Variants in C5orf24 observed in about 807,000 individuals in gnomAD.
C5orf24 encodes the protein UPF0461 protein C5orf24.
In C5orf24, 4 loss-of-function variants were observed where a neutral mutation model predicts 9.8. The observed-to-expected ratio is 0.41, with a 90% confidence interval of 0.20 to 0.93. The LOEUF (loss-of-function observed/expected upper bound fraction) is 0.93. C5orf24 is among the 40% of genes least tolerant of loss of function. The probability of loss-of-function intolerance (pLI) is 0.33; values close to 1 mark genes in which losing one functional copy is unlikely to be tolerated. For missense variants in C5orf24, 170 were observed against 236.9 expected, an observed-to-expected ratio of 0.72 and a Z score of 1.85; for synonymous variants, 73 against 81.3, an observed-to-expected ratio of 0.90 and a Z score of 0.55.
rs1046834798 is a variant in C5orf24 at position 134,855,227 on chromosome 5, C to A, written c.327C>A (p.Pro109=). The A allele has an allele frequency of 6.2e-7, 1 of 1,614,106 alleles. No individual in the cohort carries two copies. Among genetic ancestry groups the A allele is most frequent in the South Asian group, 1.1e-5 (1 of 91,074 alleles). ...SAGYRTSTGR[P]LGTTKAAGFK... Reference sequence around the variant, plus strand: ...GATACCGGACCAGCACAGGCAGACCCCTGGGAACCACCAAAGCAGCTGGAT... The same window carrying A: ...GATACCGGACCAGCACAGGCAGACCACTGGGAACCACCAAAGCAGCTGGAT... The change falls in exon 2 of 2, where the codon CCC becomes CCA. Residue 109 remains proline, a synonymous_variant. Transcript: ENST00000394976.
chr5:134,856,642 A>G lies in C5orf24; in HGVS notation c.*1175A>G. The G allele has an allele frequency of 1.0e-5, 3 of 299,886 alleles. No homozygotes were observed. The highest frequency in any genetic ancestry group is 8.5e-6 in the Non-Finnish European group (2 of 234,552). The allele number at this position is 299,886 out of a possible 1,614,324, so 18.6% of individuals were successfully genotyped here. A position where few individuals can be genotyped will look rare whatever the true frequency, so the allele number is the denominator to read the frequency against. ...GGTGACAGAGTAAGACTCCGTCTCA[A>G]ATAAATAAATAAATAAATAAATAAA... On this transcript the variant is annotated 3_prime_UTR_variant, in exon 2 of 2. Coordinates refer to ENST00000394976, the MANE Select transcript of C5orf24 (RefSeq NM_001135586.1).
chr5:134,840,595 G>T, the C5orf24 span, among the ~76,000 whole-genome samples: 4 of 152,024 alleles, frequency 2.6e-5, no homozygotes, highest in African/African-American at 4.8e-5. Flanking sequence ...GTACAGTCAC[G>T]TGATTACAGC....
At chr5:134,848,532 G>A (rs936048845) in intron 1 of C5orf24, among the ~76,000 whole-genome samples, 1 of 150,510 alleles carries the variant, frequency 6.6e-6, no homozygotes, top group Non-Finnish European at 1.5e-5. Context: ...CCTAGCATAC[G>A]TGCCTGTAAT....
In C5orf24 at chr5:134,855,895, G is replaced by T; in HGVS notation, c.*428G>T. 9.9e-7 allele frequency: 1 copy of T among 1,013,664 alleles called. No homozygotes were observed. The highest frequency in any genetic ancestry group is 1.2e-6 in the Non-Finnish European group (1 of 839,680). 62.8% of individuals were successfully genotyped at this position (1,013,664 alleles called of 1,614,324 possible). On this transcript the variant is annotated 3_prime_UTR_variant, in exon 2 of 2. Coordinates refer to ENST00000394976, the MANE Select transcript of C5orf24 (RefSeq NM_001135586.1). ...GCAAAAAAGCAAACTAATGAATCAG[G>T]ATTACTTGAGGTAATGGCTGTGTGA...
In C5orf24 at chr5:134,846,098, C is replaced by T. The variant is rs1247535655; in HGVS notation, c.-118C>T. 6.6e-6 allele frequency: 1 copy of T among 152,366 alleles called. No individual in the cohort carries two copies. Among genetic ancestry groups the T allele is most frequent in the Non-Finnish European group, 1.5e-5 (1 of 68,162 alleles). 9.4% of individuals were successfully genotyped at this position (152,366 alleles called of 1,614,324 possible). ...CGCTGCCTGCCACTCCGTCTTGGCC[C>T]GTTCTCCGCACCGTGCAGAGGCGGC... On this transcript the variant is annotated 5_prime_UTR_variant, in exon 1 of 2. Transcript: ENST00000394976.
the C5orf24 span, among the ~76,000 whole-genome samples, chr5:134,834,399 C>T: frequency 1.3e-5 from 2 of 152,080 alleles, no homozygotes; most frequent in African/African-American, 4.8e-5. Context: ...ACCTTGAAGG[C>T]AACATCTTTT....
chr5:134,838,086 A>AAAAAC, the C5orf24 span, among the ~76,000 whole-genome samples: 1 of 152,146 alleles, frequency 6.6e-6, no homozygotes. Flanking sequence ...GTCTGTATTT[A>AAAAAC]AAAACAAAAC....
chr5:134,857,368 C>T lies in C5orf24; in HGVS notation c.*1901C>T. On this transcript the variant is annotated 3_prime_UTR_variant, in exon 2 of 2. Coordinates refer to ENST00000394976, the MANE Select transcript of C5orf24 (RefSeq NM_001135586.1). ...ACCTTTTTTATCAGGAAAAAAGCAG[C>T]AAGCCTTCAGGTGTTCCAGTGATGC... The T allele has an allele frequency of 6.5e-7, 1 of 1,547,702 alleles. No homozygotes were observed. Among genetic ancestry groups the T allele is most frequent in the South Asian group, 1.2e-5 (1 of 83,734 alleles).
chr5:134,858,189 A>T lies in C5orf24; in HGVS notation c.*2722A>T, dbSNP rs1193625103. On this transcript the variant is annotated 3_prime_UTR_variant, in exon 2 of 2. Coordinates refer to ENST00000394976, the MANE Select transcript of C5orf24 (RefSeq NM_001135586.1). ...TAACATCATTTAGAAAGCCGAATTT[A>T]CTGTTCATCTGAGCGGTTACCTGGA... The T allele has an allele frequency of 6.0e-6, 1 of 167,056 alleles. No homozygotes were observed. The highest frequency in any genetic ancestry group is 2.4e-5 in the African/African-American group (1 of 41,448). The allele number at this position is 167,056 out of a possible 1,614,324, so 10.3% of individuals were successfully genotyped here. A position where few individuals can be genotyped will look rare whatever the true frequency, so the allele number is the denominator to read the frequency against.
upstream of C5orf24, among the ~76,000 whole-genome samples, chr5:134,842,675 G>A (rs914536031): frequency 5.3e-5 from 8 of 152,078 alleles, no homozygotes; most frequent in Non-Finnish European, 7.4e-5. Context: ...TCATCTTGGT[G>A]GCTAGATCTC....
chr5:134,849,361 A>G (rs995836199), intron 1 of C5orf24, among the ~76,000 whole-genome samples: 8 of 152,338 alleles, frequency 5.3e-5, no homozygotes, highest in Middle Eastern at 3.4e-3. Flanking sequence ...TTATATAAAC[A>G]TAAATATGCT....
At chr5:134,836,168 CTTTTTTTTTTTTTT>C in the C5orf24 span, among the ~76,000 whole-genome samples, 1 of 86,434 alleles carries the variant, frequency 1.2e-5, no homozygotes, top group Admixed American at 1.4e-4. Context: ...CATTGAGAAG[CTTTTTTTTTTTTTT>C]TTTTTTTTTG....
At chr5:134,837,595 A>G in the C5orf24 span, among the ~76,000 whole-genome samples, 1 of 151,464 alleles carries the variant, frequency 6.6e-6, no homozygotes, top group African/African-American at 2.4e-5. Flanking sequence ...CATGAGGGCT[A>G]GTGGGATCAG....
At chr5:134,838,951 G>A in the C5orf24 span, among the ~76,000 whole-genome samples, 1 of 151,950 alleles carries the variant, frequency 6.6e-6, no homozygotes, top group South Asian at 2.1e-4. Context: ...GCTCAAACCT[G>A]TAATCCCAGC....
At chr5:134,835,238 A>G in the C5orf24 span, among the ~76,000 whole-genome samples, 4 of 152,090 alleles carry the variant, frequency 2.6e-5, no homozygotes, top group African/African-American at 7.2e-5. Context: ...TAATCATTCT[A>G]TGATACACAT....
the C5orf24 span, among the ~76,000 whole-genome samples, chr5:134,834,515 G>A: frequency 6.6e-6 from 1 of 152,210 alleles, no homozygotes; most frequent in African/African-American, 2.4e-5. Flanking sequence ...CCCTCAGCCT[G>A]TGTCTGTGGC....
chr5:134,833,924 G>T, the C5orf24 span, among the ~76,000 whole-genome samples: 1 of 151,868 alleles, frequency 6.6e-6, no homozygotes, highest in African/African-American at 2.4e-5. Flanking sequence ...AGGAGTTCAT[G>T]ATTTTTTTCA....
rs913098855 is a variant in C5orf24, at chr5:134,859,287, T to C, written c.*3820T>C. 4 of 167,068 alleles carry C rather than the reference T, an allele frequency of 2.4e-5. No homozygotes were observed. The highest frequency in any genetic ancestry group is 4.4e-5 in the Non-Finnish European group (3 of 68,102). 10.3% of individuals were successfully genotyped at this position (167,068 alleles called of 1,614,324 possible). On this transcript the variant is annotated 3_prime_UTR_variant, in exon 2 of 2. Coordinates refer to ENST00000394976, the MANE Select transcript of C5orf24 (RefSeq NM_001135586.1). The stretch of plus-strand genomic sequence containing the variant: ...TTTTTTTCCTTGGACATAAAAAATT[T>C]TGATGCTATTCTATTTTTGTTTTTA...
At chr5:134,846,375 T>A (rs1755994544) in intron 1 of C5orf24, 163 bp downstream of exon 1, 1 of 152,194 alleles carries the variant, frequency 6.6e-6, no homozygotes, top group Non-Finnish European at 1.5e-5. Context: ...TTCCCCGGTG[T>A]GGAGCCATTA....
Sources: allele counts gnomAD v4.1 joint callset (sites outside exome capture counted in the v4.1 genomes callset), GRCh38; gene constraint gnomAD v4.1.1; transcripts MANE v1.5; gene names NCBI Gene and HGNC (gene_info 2026-07-23, HGNC 2026-07-21).